VPS37B: variants seen among roughly 807,000 people sequenced by gnomAD.
VPS37B encodes the protein VPS37B subunit of ESCRT-I, also known as vacuolar protein sorting-associated protein 37B.
In VPS37B, 11 loss-of-function variants were observed where a neutral mutation model predicts 21.2. The observed-to-expected ratio is 0.52, with a 90% CI of 0.33 to 0.86. The LOEUF is 0.86. Ranked by LOEUF, VPS37B falls within the 40% of genes least tolerant of loss-of-function variation. The pLI is 0.03. For synonymous variants in VPS37B, 175 were observed against 159.6 expected (o/e 1.10, Z -0.73); for missense variants, 389 against 374.8 (o/e 1.04, Z -0.31).
intron 1 of VPS37B, chr12:122,886,956 C>G (rs960560319): frequency 2.6e-5 from 4 of 152,196 alleles, no homozygotes; most frequent in African/African-American, 9.7e-5. Flanking sequence ...AGTCAACTTT[C>G]CAATTTTTGT....
chr12:122,869,690 G>C (rs1157604905), intron 2 of VPS37B, among the ~76,000 whole-genome samples: 1 of 152,116 alleles, frequency 6.6e-6, no homozygotes, highest in Non-Finnish European at 1.5e-5. Context: ...GTTCACTGTG[G>C]CCTCAGCCTT....
chr12:122,867,329 A>T lies in VPS37B; in HGVS notation c.645T>A (p.Pro215=). 1.6e-6 allele frequency: 1 copy of T among 627,958 alleles called. No individual in the cohort carries two copies. The highest frequency in any genetic ancestry group is 2.6e-6 in the Non-Finnish European group (1 of 379,012). 38.9% of individuals were successfully genotyped at this position (627,958 alleles called of 1,614,324 possible). ...TAAACGGGGTGGCTAAGCGTCCCGC[A>T]GGCACCGGGGGTGGTGGGGGGGGGA... ...RRIPPPPPPV[P]AGRLATPFTA... is the part of the protein sequence containing the mutation. Residue 215 remains proline (P), a synonymous_variant, in exon 4 of 4, where the codon CCT becomes CCA. Transcript: ENST00000267202. This position sits in a 1 kb window ranked among gnomAD's most constrained non-coding sequence, Gnocchi z 5.5.
chr12:122,892,721 G>A (rs994320939), intron 1 of VPS37B, among the ~76,000 whole-genome samples: 6 of 152,094 alleles, frequency 3.9e-5, no homozygotes, highest in Admixed American at 1.3e-4. Flanking sequence ...AATTCAAGAG[G>A]CAACATAGCA....
chr12:122,892,064 A>C (rs2034420563), intron 1 of VPS37B, among the ~76,000 whole-genome samples: 1 of 152,232 alleles, frequency 6.6e-6, no homozygotes, highest in Non-Finnish European at 1.5e-5. Context: ...GTTCCTTTTA[A>C]GGGAGTGCCC....
At chr12:122,872,801 CTT>C (rs2034063832) in intron 1 of VPS37B, 1 of 673,544 alleles carries the variant, frequency 1.5e-6, no homozygotes, top group Non-Finnish European at 1.8e-6. Flanking sequence ...GAAATGAAAA[CTT>C]ATATTCAACA....
intron 1 of VPS37B, chr12:122,884,579 T>C (rs1037133084): frequency 1.3e-5 from 2 of 152,018 alleles, no homozygotes; most frequent in Non-Finnish European, 2.9e-5. Context: ...GAGATTCCAG[T>C]GTAGGAGCAG....
rs1479828538 is a variant in VPS37B, at chr12:122,865,748, C to CG, written c.*1367dup. The CG allele has an allele frequency of 2.6e-5, 4 of 152,240 alleles. No individual in the cohort carries two copies. Among genetic ancestry groups the CG allele is most frequent in the African/African-American group, 9.6e-5 (4 of 41,456 alleles). The allele number at this position is 152,240 out of a possible 1,614,324, so 9.4% of individuals were successfully genotyped here. On this transcript the variant is annotated 3_prime_UTR_variant, in exon 4 of 4. Coordinates refer to ENST00000267202, the MANE Select transcript of VPS37B (RefSeq NM_024667.3). The stretch of plus-strand genomic sequence containing the variant: ...GTCACCCTGGCGGCTAGGCACAGGT[C>CG]GGGGCCCTGGATGCCCGACAAGTGA...
chr12:122,888,879 T>G (rs2034367522), intron 1 of VPS37B: 1 of 276,774 alleles, frequency 3.6e-6, no homozygotes, highest in African/African-American at 2.2e-5. Context: ...CACCCTGAGC[T>G]CCAGAACCAC....
In VPS37B at chr12:122,867,431, G is replaced by A. The variant is rs766967016; in HGVS notation, c.543C>T (p.Pro181=). 1.6e-5 allele frequency: 25 copies of A among 1,609,712 alleles called. No homozygotes were observed. In the East Asian group the frequency reaches 1.8e-4, roughly 12 times the overall value. The change falls in exon 4 of 4, where the codon CCC becomes CCT. Residue 181 remains proline, a synonymous_variant. Coordinates refer to ENST00000267202, the MANE Select transcript of VPS37B (RefSeq NM_024667.3). The surrounding 1 kb of genome is among the most constrained non-coding windows in gnomAD (Gnocchi z 5.5). Reference sequence around the variant, plus strand: ...GAAGGGGGGCGGTAGGTGCCAGTTCGGGCAGCCTGGGGGGCAGCGGGGCCA... The same window carrying A: ...GAAGGGGGGCGGTAGGTGCCAGTTCAGGCAGCCTGGGGGGCAGCGGGGCCA... ...QALAPLPPRL[P]ELAPTAPLPY...
chr12:122,873,817 G>A (rs1026515434), intron 1 of VPS37B: 1 of 152,172 alleles, frequency 6.6e-6, no homozygotes, highest in Non-Finnish European at 1.5e-5. Flanking sequence ...ACTAAATACA[G>A]ACGACACACT....
chr12:122,869,475 A>G (rs2033979190), intron 2 of VPS37B, among the ~76,000 whole-genome samples: 1 of 152,256 alleles, frequency 6.6e-6, no homozygotes, highest in Non-Finnish European at 1.5e-5. Context: ...AGCACTTGGT[A>G]CTGCCAGTCT....
At position 122,891,723 on chromosome 12, in the gene VPS37B, G is replaced by A. The variant is rs934507057; in HGVS notation, c.111+4229C>T. On this transcript the variant is annotated intron_variant, in intron 1 of 3. Transcript: ENST00000267202. ...AGCATTCAGAGTGTGTTTGGGAGCC[G>A]GTCCCTGGATTTAAAGCAAGGTCAA... Among the ~76,000 whole-genome samples the A allele has an allele frequency of 3.3e-5, 5 of 152,124 alleles. No individual in the cohort carries two copies. The East Asian group carries it at 5.8e-4, about 18-fold the overall frequency.
intron 1 of VPS37B, chr12:122,880,891 C>G (rs1363491450): frequency 6.6e-6 from 1 of 152,214 alleles, no homozygotes; most frequent in Non-Finnish European, 1.5e-5. Flanking sequence ...GAGTCTCAGT[C>G]AAGCCCATCC....
chr12:122,882,874 G>A (rs2034266932), intron 1 of VPS37B: 1 of 152,208 alleles, frequency 6.6e-6, no homozygotes, highest in Non-Finnish European at 1.5e-5. Context: ...AGCCTACGAT[G>A]GCCCTTAGAT....
chr12:122,871,581 G>A, intron 1 of VPS37B: 1 of 985,596 alleles, frequency 1.0e-6, no homozygotes, highest in Non-Finnish European at 1.2e-6. Context: ...CAGCCACCGG[G>A]GTTCCTCTGT....
intron 1 of VPS37B, chr12:122,886,166 T>C (rs2034324050): frequency 6.6e-6 from 1 of 152,206 alleles, no homozygotes; most frequent in African/African-American, 2.4e-5. Context: ...TCTTGGGCTA[T>C]GGAAGCAGAT....
At chr12:122,890,578 T>A (rs2034398871) in intron 1 of VPS37B, among the ~76,000 whole-genome samples, 1 of 152,168 alleles carries the variant, frequency 6.6e-6, no homozygotes, top group Admixed American at 6.6e-5. Flanking sequence ...TCTTCCCACC[T>A]CGGCCTCCCA....
At chr12:122,882,215 T>C (rs2034256627) in intron 1 of VPS37B, 2 of 152,266 alleles carry the variant, frequency 1.3e-5, no homozygotes, top group South Asian at 4.1e-4. Flanking sequence ...TAAACCAACT[T>C]TTGGAAGACT....
chr12:122,869,138 GC>G (rs759355413), intron 2 of VPS37B, among the ~76,000 whole-genome samples: 5 of 152,232 alleles, frequency 3.3e-5, no homozygotes, highest in Non-Finnish European at 7.3e-5. Flanking sequence ...TCTTTCCAAT[GC>G]TGTGTAGTGT....
Sources: allele counts gnomAD v4.1 joint callset (sites outside exome capture counted in the v4.1 genomes callset), GRCh38; gene constraint gnomAD v4.1.1; non-coding constraint Gnocchi (gnomAD v3.1); transcripts MANE v1.5; gene names NCBI Gene and HGNC (gene_info 2026-07-23, HGNC 2026-07-21).